Variants in PPM1L observed in about 807,000 individuals in gnomAD.
The protein encoded by PPM1L is protein phosphatase 1L.
PPM1L carries 13 observed loss-of-function variants against 31.4 expected under a neutral mutation model. That is an observed-to-expected ratio of 0.41 (90% CI 0.27 to 0.66). The LOEUF is 0.66. Ranked by LOEUF, PPM1L falls within the 30% of genes least tolerant of loss-of-function variation. The probability of loss-of-function intolerance (pLI) is 0.29; values close to 1 mark genes in which losing one functional copy is unlikely to be tolerated. For missense variants in PPM1L, 326 were observed against 453.7 expected, an observed-to-expected ratio of 0.72 and a Z score of 2.56; for synonymous variants, 184 against 175.4, an observed-to-expected ratio of 1.05 and a Z score of -0.39.
chr3:160,780,906 A>C (rs1711725512), intron 1 of PPM1L, among the ~76,000 whole-genome samples: 1 of 152,220 alleles, frequency 6.6e-6, no homozygotes, highest in Non-Finnish European at 1.5e-5. Flanking sequence ...TAAAGGGTTT[A>C]GTATAGTGCC....
chr3:160,848,987 C>G (rs998852322), intron 1 of PPM1L, among the ~76,000 whole-genome samples: 3 of 152,132 alleles, frequency 2.0e-5, no homozygotes, highest in African/African-American at 7.2e-5. Flanking sequence ...AAAGCGATGG[C>G]CTTCTCTCTC....
intron 1 of PPM1L, among the ~76,000 whole-genome samples, chr3:160,782,339 A>G (rs904044649): frequency 6.6e-6 from 1 of 152,230 alleles, no homozygotes; most frequent in African/African-American, 2.4e-5. Flanking sequence ...CACCACCACC[A>G]TGTTGACTGA....
chr3:160,828,387 A>G (rs1344158221), intron 1 of PPM1L, among the ~76,000 whole-genome samples: 2 of 152,128 alleles, frequency 1.3e-5, no homozygotes, highest in African/African-American at 4.8e-5. Context: ...GTACTATCCT[A>G]TGGAATTCAT....
At chr3:160,920,721 G>A (rs1714377010) in intron 1 of PPM1L, among the ~76,000 whole-genome samples, 1 of 151,828 alleles carries the variant, frequency 6.6e-6, no homozygotes, top group Non-Finnish European at 1.5e-5. Flanking sequence ...CAGTAGGAGG[G>A]TGGTGATGAG....
At chr3:160,916,583 G>A (rs1714190715) in intron 1 of PPM1L, among the ~76,000 whole-genome samples, 1 of 151,946 alleles carries the variant, frequency 6.6e-6, no homozygotes, top group Admixed American at 6.5e-5. Context: ...TTTCAAAAAG[G>A]ATGCCTGCCT....
chr3:160,870,390 CA>C (rs1712261059), intron 1 of PPM1L, among the ~76,000 whole-genome samples: 1 of 152,098 alleles, frequency 6.6e-6, no homozygotes, highest in African/African-American at 2.4e-5. Context: ...CCGAATGGTT[CA>C]AAAATAATTT....
At chr3:160,998,045 G>A (rs1193446338) in intron 2 of PPM1L, among the ~76,000 whole-genome samples, 1 of 151,734 alleles carries the variant, frequency 6.6e-6, no homozygotes, top group African/African-American at 2.4e-5. Flanking sequence ...TATAATAGAA[G>A]GAAAATAATA....
intron 1 of PPM1L, among the ~76,000 whole-genome samples, chr3:160,917,619 A>G (rs1196985041): frequency 2.0e-5 from 3 of 152,158 alleles, no homozygotes; most frequent in African/African-American, 7.2e-5. Flanking sequence ...GCCTGCAGCT[A>G]TTAAAAGCAA....
intron 1 of PPM1L, among the ~76,000 whole-genome samples, chr3:160,953,483 C>T (rs1020967453): frequency 5.3e-5 from 8 of 152,112 alleles, no homozygotes; most frequent in African/African-American, 1.7e-4. Flanking sequence ...CACTAAAGGT[C>T]AAAATGAGTA....
At chr3:161,014,927 A>G (rs535389841) in intron 2 of PPM1L, among the ~76,000 whole-genome samples, 1 of 152,312 alleles carries the variant, frequency 6.6e-6, no homozygotes, top group East Asian at 1.9e-4. Flanking sequence ...CAAAATCATT[A>G]TGCCTGAGTT....
At chr3:160,842,458 C>A (rs1186127063) in intron 1 of PPM1L, among the ~76,000 whole-genome samples, 1 of 152,086 alleles carries the variant, frequency 6.6e-6, no homozygotes, top group South Asian at 2.1e-4. Context: ...AGTGAAGGTT[C>A]TTAGCCAGGA....
chr3:160,926,558 C>A (rs1714598793), intron 1 of PPM1L, among the ~76,000 whole-genome samples: 2 of 152,158 alleles, frequency 1.3e-5, no homozygotes, highest in South Asian at 2.1e-4. Context: ...AATGCCTACC[C>A]CATGCTGAAT....
chr3:161,011,892 G>T (rs1399726854), intron 2 of PPM1L, among the ~76,000 whole-genome samples: 1 of 152,160 alleles, frequency 6.6e-6, no homozygotes, highest in Non-Finnish European at 1.5e-5. Flanking sequence ...TGCTGAAGTT[G>T]CCTATCAGCT....
intron 1 of PPM1L, among the ~76,000 whole-genome samples, chr3:160,843,245 T>G (rs1310973260): frequency 6.6e-6 from 1 of 151,456 alleles, no homozygotes; most frequent in Non-Finnish European, 1.5e-5. Context: ...GTGTTCCTAT[T>G]AGCAATAGAA....
chr3:160,817,614 G>A (rs1713036522), intron 1 of PPM1L, among the ~76,000 whole-genome samples: 1 of 151,882 alleles, frequency 6.6e-6, no homozygotes, highest in South Asian at 2.1e-4. Flanking sequence ...GCATTTTTCT[G>A]TTTTCTTATT....
At chr3:160,924,463 T>C (rs1401374755) in intron 1 of PPM1L, among the ~76,000 whole-genome samples, 1 of 152,140 alleles carries the variant, frequency 6.6e-6, no homozygotes, top group Non-Finnish European at 1.5e-5. Flanking sequence ...GGTTCTGTAA[T>C]AGGAAGAAAG....
At chr3:160,848,668 T>G (rs1714157768) in intron 1 of PPM1L, among the ~76,000 whole-genome samples, 1 of 152,214 alleles carries the variant, frequency 6.6e-6, no homozygotes, top group South Asian at 2.1e-4. Flanking sequence ...ATTGGGGTCC[T>G]TAGTTCAGTT....
Position 160,903,164 on chromosome 3 carries a change from A to AGTGTGTGTGTGTGTGT in PPM1L, c.400-58558_400-58543dup, listed in dbSNP as rs60731351. Reference sequence around the variant, plus strand: ...GGTTGTCCAAAGAAATAGAAGCAATAGTGTGTGTGTGTGTGTGTGTGTGTG... The same window carrying AGTGTGTGTGTGTGTGT: ...GGTTGTCCAAAGAAATAGAAGCAATAGTGTGTGTGTGTGTGTGTGTGTGTGTGTGTGTGTGTGTGTG... On this transcript the variant is annotated intron_variant, in intron 1 of 3. Transcript: ENST00000498165. Among the ~76,000 whole-genome samples the AGTGTGTGTGTGTGTGT allele has an allele frequency of 7.4e-4, 79 of 106,580 alleles. 1 individual carries two copies. The highest frequency in any genetic ancestry group is 2.4e-3 in the African/African-American group (55 of 23,394). The allele number at this position is 106,580 out of a possible 152,430, so 69.9% of individuals were successfully genotyped here. A position where few individuals can be genotyped will look rare whatever the true frequency, so the allele number is the denominator to read the frequency against.
intron 2 of PPM1L, among the ~76,000 whole-genome samples, chr3:161,032,514 T>C (rs1045557945): frequency 1.2e-4 from 19 of 152,164 alleles, no homozygotes; most frequent in Admixed American, 5.2e-4. Flanking sequence ...ATTGCTATTA[T>C]AGAAACTTGC....
Sources: gnomAD v4.1 joint callset for allele counts (sites outside exome capture counted in the v4.1 genomes callset) on GRCh38, gnomAD v4.1.1 for gene constraint, MANE v1.5 for transcripts, NCBI Gene and HGNC (gene_info 2026-07-23, HGNC 2026-07-21) for gene names.